The following SORCS2 variants were observed in gnomAD, a reference collection of about 807,000 sequenced individuals.
SORCS2 encodes the protein VPS10 domain-containing receptor SorCS2.
A neutral mutation model predicts 141.6 loss-of-function variants in SORCS2; 100 were observed. The ratio of observed to expected loss-of-function variants is 0.71; its 90% CI spans 0.60 to 0.83. SORCS2 has a LOEUF of 0.83. SORCS2 is among the 40% of genes least tolerant of loss of function. SORCS2 has a pLI of 0.00. For missense variants in SORCS2, 1,646 were observed against 1,560.2 expected (o/e 1.05, Z -0.93); for synonymous variants, 789 against 676.9 (o/e 1.17, Z -2.57).
intron 3 of SORCS2, among the ~76,000 whole-genome samples, chr4:7,555,016 A>G (rs11730831): frequency 0.97 from 148,289 of 152,302 alleles, 72,317 homozygotes; most frequent in East Asian, 1. Flanking sequence ...TGCTCAGCCC[A>G]GCCGTTCACC....
At chr4:7,466,027 A>C (rs1420347714) in intron 2 of SORCS2, among the ~76,000 whole-genome samples, 2 of 152,220 alleles carry the variant, frequency 1.3e-5, no homozygotes. Context: ...TAATTGCCCC[A>C]AATCTCACAG....
At chr4:7,677,444 C>A (rs1723237662) in intron 9 of SORCS2, among the ~76,000 whole-genome samples, 1 of 152,258 alleles carries the variant, frequency 6.6e-6, no homozygotes, top group Non-Finnish European at 1.5e-5. Flanking sequence ...CAGACGCAGA[C>A]ATAAGCAGGA....
chr4:7,539,833 T>TTGTGGCTGCTCCGCCCCATTCCTGC (rs1222408662), intron 3 of SORCS2, among the ~76,000 whole-genome samples: 2 of 140,008 alleles, frequency 1.4e-5, no homozygotes, highest in African/African-American at 2.7e-5. Context: ...CCCCTTCCTG[T>TTGTGGCTGCTCCGCCCCATTCCTGC]TGTGGCTGCT....
intron 13 of SORCS2, 143 bp downstream of exon 13, chr4:7,703,514 C>T: frequency 1.5e-6 from 1 of 669,702 alleles, no homozygotes; most frequent in Non-Finnish European, 2.5e-6. Flanking sequence ...ATCCTAAAGA[C>T]CGGGGCTGGG....
At chr4:7,218,795 C>T (rs1046762851) in intron 1 of SORCS2, among the ~76,000 whole-genome samples, 6 of 152,288 alleles carry the variant, frequency 3.9e-5, no homozygotes, top group Admixed American at 2.0e-4. Context: ...CTATGATGCC[C>T]GTACTATGCC....
In SORCS2 at chr4:7,495,072, C is replaced by T. The variant is rs910350033; in HGVS notation, c.549-36458C>T. On this transcript the variant is annotated intron_variant, in intron 2 of 26. Coordinates refer to ENST00000507866, the MANE Select transcript of SORCS2 (RefSeq NM_020777.3). Reference sequence around the variant, plus strand: ...GAGGCAGAGCAAGGCCCTGCGACGTCGAAATGGATTGTTCTCCTCTAGCAA... The same window carrying T: ...GAGGCAGAGCAAGGCCCTGCGACGTTGAAATGGATTGTTCTCCTCTAGCAA... 8.5e-5 allele frequency among the ~76,000 whole-genome samples: 13 copies of T among 152,342 alleles called. No individual in the cohort carries two copies. The East Asian group carries it at 1.7e-3, about 20-fold the overall frequency.
chr4:7,592,373 G>A (rs1716978865), intron 3 of SORCS2, among the ~76,000 whole-genome samples: 2 of 152,192 alleles, frequency 1.3e-5, no homozygotes, highest in South Asian at 2.1e-4. Flanking sequence ...TAGGCTCTGA[G>A]CGTTGGTGTC....
intron 2 of SORCS2, among the ~76,000 whole-genome samples, chr4:7,483,461 G>C (rs774977012): frequency 1.3e-5 from 2 of 152,124 alleles, no homozygotes; most frequent in East Asian, 3.9e-4. Flanking sequence ...AGCATGAACA[G>C]ACTCTGTCCT....
chr4:7,353,938 C>T (rs926273433), intron 1 of SORCS2, among the ~76,000 whole-genome samples: 1 of 152,196 alleles, frequency 6.6e-6, no homozygotes, highest in Non-Finnish European at 1.5e-5. Flanking sequence ...CCAATCACAG[C>T]TTCCCGGCAA....
intron 2 of SORCS2, among the ~76,000 whole-genome samples, chr4:7,508,280 G>T (rs1449385752): frequency 2.8e-5 from 2 of 70,188 alleles, no homozygotes; most frequent in African/African-American, 6.3e-5. Flanking sequence ...ACAGAGGGTG[G>T]CCCTAGCACC....
Position 7,193,708 on chromosome 4 carries a change from C to T in SORCS2, c.480+582C>T, listed in dbSNP as rs1278084723. ...CGCGGCTGTCTTGAGCTCTTGCTGC[C>T]GGTCGCCCCGCCTGGATGCACTGGG... is the stretch of plus-strand genomic sequence containing the variant. On this transcript the variant is annotated intron_variant, in intron 1 of 26. Transcript: ENST00000507866. The surrounding 1 kb of genome is among the most constrained non-coding windows in gnomAD (Gnocchi z 4.8). Among the ~76,000 whole-genome samples the T allele has an allele frequency of 6.6e-6, 1 of 152,198 alleles. No individual in the cohort carries two copies. The highest frequency in any genetic ancestry group is 2.4e-5 in the African/African-American group (1 of 41,456).
At chr4:7,468,218 G>C (rs1356644799) in intron 2 of SORCS2, among the ~76,000 whole-genome samples, 1 of 152,192 alleles carries the variant, frequency 6.6e-6, no homozygotes, top group African/African-American at 2.4e-5. Flanking sequence ...ATAGCCCCAG[G>C]TCTAAGTGGG....
intron 1 of SORCS2, among the ~76,000 whole-genome samples, chr4:7,329,909 C>T (rs1006720770): frequency 6.6e-6 from 1 of 152,056 alleles, no homozygotes; most frequent in Non-Finnish European, 1.5e-5. Flanking sequence ...CTGGATGTGG[C>T]CCCATCTTGG....
chr4:7,555,424 C>G (rs1232896767), intron 3 of SORCS2, among the ~76,000 whole-genome samples: 1 of 152,220 alleles, frequency 6.6e-6, no homozygotes, highest in Non-Finnish European at 1.5e-5. Flanking sequence ...AGCACAAATG[C>G]CCTCCACCAG....
chr4:7,651,150 A>G (rs927380218), intron 4 of SORCS2, among the ~76,000 whole-genome samples: 4 of 152,146 alleles, frequency 2.6e-5, no homozygotes, highest in Admixed American at 6.5e-5. Flanking sequence ...ACACCGAGCC[A>G]GAGTCAGAGG....
intron 22 of SORCS2, among the ~76,000 whole-genome samples, chr4:7,729,331 G>A (rs138942217): frequency 6.6e-6 from 1 of 152,150 alleles, no homozygotes; most frequent in Non-Finnish European, 1.5e-5. Context: ...CTGAGGGCCA[G>A]GCCTGGCCAA....
chr4:7,620,829 C>A (rs1719116815), intron 3 of SORCS2, among the ~76,000 whole-genome samples: 1 of 152,202 alleles, frequency 6.6e-6, no homozygotes, highest in Non-Finnish European at 1.5e-5. Context: ...GTCTCCCCTG[C>A]ACTCAGGGCA....
At chr4:7,645,940 T>C (rs1454637772) in intron 4 of SORCS2, among the ~76,000 whole-genome samples, 6 of 152,212 alleles carry the variant, frequency 3.9e-5, no homozygotes, top group Admixed American at 3.9e-4. Context: ...GAGTGGTTGC[T>C]ACAGAGACCA....
At chr4:7,378,920 T>C (rs970731443) in intron 1 of SORCS2, among the ~76,000 whole-genome samples, 2 of 152,226 alleles carry the variant, frequency 1.3e-5, no homozygotes, top group Non-Finnish European at 2.9e-5. Flanking sequence ...GGATGCATTC[T>C]TGGCCTTTTT....
Sources: gnomAD v4.1 joint callset for allele counts (sites outside exome capture counted in the v4.1 genomes callset) on GRCh38, gnomAD v4.1.1 for gene constraint, Gnocchi (gnomAD v3.1) non-coding constraint, MANE v1.5 for transcripts, NCBI Gene and HGNC (gene_info 2026-07-23, HGNC 2026-07-21) for gene names.